Variants in HYCC1 observed in about 807,000 individuals in gnomAD.
The protein encoded by HYCC1 is hyccin.
chr7:22,952,675 A>G, the HYCC1 span, among the ~76,000 whole-genome samples: 1 of 151,926 alleles, frequency 6.6e-6, no homozygotes, highest in Non-Finnish European at 1.5e-5. Context: ...CTTTTTTATC[A>G]ATAGAAGTCA....
chr7:22,957,728 T>C, the HYCC1 span, among the ~76,000 whole-genome samples: 1 of 151,754 alleles, frequency 6.6e-6, no homozygotes, highest in Non-Finnish European at 1.5e-5. Flanking sequence ...GGGATATGAG[T>C]GGGTGGAATG....
At chr7:22,901,774 C>T in the HYCC1 span, among the ~76,000 whole-genome samples, 1 of 151,684 alleles carries the variant, frequency 6.6e-6, no homozygotes, top group Non-Finnish European at 1.5e-5. Context: ...CCTCAAAATA[C>T]ATGAAGAAAA....
At chr7:22,985,905 T>C in the HYCC1 span, among the ~76,000 whole-genome samples, 1 of 150,048 alleles carries the variant, frequency 6.7e-6, no homozygotes, top group Non-Finnish European at 1.5e-5. Flanking sequence ...CATAGTTACA[T>C]GTATACATGT....
At chr7:22,969,347 T>G in the HYCC1 span, among the ~76,000 whole-genome samples, 1 of 151,648 alleles carries the variant, frequency 6.6e-6, no homozygotes, top group Admixed American at 6.6e-5. Flanking sequence ...TGTATTCCTA[T>G]TAGAGACAGG....
chr7:22,908,774 T>C, the HYCC1 span, among the ~76,000 whole-genome samples: 136 of 152,340 alleles, frequency 8.9e-4, no homozygotes, highest in African/African-American at 3.0e-3. Flanking sequence ...CTGATAAGAA[T>C]GACTTTGTTT....
the HYCC1 span, among the ~76,000 whole-genome samples, chr7:22,920,772 CA>C: frequency 6.6e-6 from 1 of 152,118 alleles, no homozygotes; most frequent in Non-Finnish European, 1.5e-5. Flanking sequence ...GTGTCCCCTA[CA>C]AATCTCGTGT....
chr7:22,976,681 C>T, the HYCC1 span: 353 of 1,484,928 alleles, frequency 2.4e-4, 1 homozygote, highest in East Asian at 7.1e-3. Flanking sequence ...AATTTTTATC[C>T]CCACAGTATA....
At chr7:22,932,530 A>T in the HYCC1 span, among the ~76,000 whole-genome samples, 28 of 152,272 alleles carry the variant, frequency 1.8e-4, no homozygotes, top group Admixed American at 5.2e-4. Context: ...TTGGAAGCAG[A>T]TACCTTATTT....
chr7:22,950,326 T>C, the HYCC1 span, among the ~76,000 whole-genome samples: 8 of 152,184 alleles, frequency 5.3e-5, no homozygotes, highest in African/African-American at 1.9e-4. Context: ...AATTATTTAT[T>C]TATCTTGTTT....
the HYCC1 span, among the ~76,000 whole-genome samples, chr7:22,927,480 C>T: frequency 1.3e-5 from 2 of 151,990 alleles, no homozygotes; most frequent in Admixed American, 1.3e-4. Flanking sequence ...CAAATAGACG[C>T]AATAAAAAAT....
At chr7:22,931,154 T>C in the HYCC1 span, among the ~76,000 whole-genome samples, 1 of 149,994 alleles carries the variant, frequency 6.7e-6, no homozygotes, top group South Asian at 2.1e-4. Flanking sequence ...ATGACTAGTA[T>C]CCTTTTAAGG....
the HYCC1 span, among the ~76,000 whole-genome samples, chr7:22,980,174 T>C: frequency 1.3e-5 from 2 of 151,954 alleles, no homozygotes; most frequent in Non-Finnish European, 2.9e-5. Context: ...GTGTGGGAAA[T>C]ACGGACAGTG....
the HYCC1 span, among the ~76,000 whole-genome samples, chr7:22,995,098 C>T: frequency 6.6e-6 from 1 of 152,134 alleles, no homozygotes; most frequent in African/African-American, 2.4e-5. Flanking sequence ...ATTGCATTTC[C>T]TCACACATCC....
the HYCC1 span, among the ~76,000 whole-genome samples, chr7:23,013,683 G>C: frequency 0.048 from 6 of 124 alleles, no homozygotes; most frequent in African/African-American, 0.18. Flanking sequence ...GCCCAACTTC[G>C]GGGCGAGCAG....
chr7:22,903,740 T>C, the HYCC1 span, among the ~76,000 whole-genome samples: 1 of 152,220 alleles, frequency 6.6e-6, no homozygotes. Context: ...AAATTCTTTT[T>C]TAAAATGACA....
chr7:22,989,549 G>C, the HYCC1 span, among the ~76,000 whole-genome samples: 1 of 151,802 alleles, frequency 6.6e-6, no homozygotes, highest in African/African-American at 2.4e-5. Context: ...GGAGAGAGGG[G>C]GTCTTGCTGT....
chr7:23,011,492 G>A, the HYCC1 span, among the ~76,000 whole-genome samples: 25 of 152,070 alleles, frequency 1.6e-4, no homozygotes, highest in African/African-American at 5.6e-4. Context: ...TCTTCTCATA[G>A]GTGATTAGGA....
chr7:23,002,164 A>ATATATAAT, the HYCC1 span, among the ~76,000 whole-genome samples: 1 of 26,138 alleles, frequency 3.8e-5, no homozygotes, highest in African/African-American at 9.9e-5. Context: ...ATATATATAT[A>ATATATAAT]TATATATATA....
At chr7:22,929,585 T>G in the HYCC1 span, among the ~76,000 whole-genome samples, 6 of 151,994 alleles carry the variant, frequency 3.9e-5, no homozygotes, top group African/African-American at 1.2e-4. Flanking sequence ...AAAAAACACG[T>G]GAAAAAATGC....
Sources: gnomAD v4.1 joint callset for allele counts (sites outside exome capture counted in the v4.1 genomes callset) on GRCh38, gnomAD v4.1.1 for gene constraint, MANE v1.5 for transcripts, NCBI Gene and HGNC (gene_info 2026-07-23, HGNC 2026-07-21) for gene names.